LIPC: variants seen among roughly 807,000 people sequenced by gnomAD.
LIPC encodes the protein lipase C, hepatic type.
In LIPC, 44 loss-of-function variants were observed where a neutral mutation model predicts 50.7. That is an observed-to-expected ratio of 0.87 (90% CI 0.68 to 1.11). The LOEUF (loss-of-function observed/expected upper bound fraction) is 1.11. LIPC is among the 50% of genes most tolerant of loss of function. The pLI is 0.00. For synonymous variants in LIPC, 271 were observed against 256.4 expected (o/e 1.06, Z -0.54); for missense variants, 697 against 648.2 (o/e 1.08, Z -0.82).
chr15:58,507,344 G>C (rs1264325291), intron 1 of LIPC, among the ~76,000 whole-genome samples: 1 of 152,172 alleles, frequency 6.6e-6, no homozygotes, highest in Non-Finnish European at 1.5e-5. Flanking sequence ...AGGAGGGAAG[G>C]AAGGAAGGAA....
intron 6 of LIPC, among the ~76,000 whole-genome samples, chr15:58,557,914 C>A (rs1894014904): frequency 6.6e-6 from 1 of 152,086 alleles, no homozygotes; most frequent in Non-Finnish European, 1.5e-5. Flanking sequence ...GTTTGACTTA[C>A]AAGACTGTTC....
rs1460348858 is a variant in LIPC at position 58,542,603 on chromosome 15, T to C, written c.526T>C (p.Phe176Leu). 1 of 1,613,740 alleles carries C rather than the reference T, an allele frequency of 6.2e-7. No individual in the cohort carries two copies. The highest frequency in any genetic ancestry group is 1.3e-5 in the African/African-American group (1 of 74,886). Residue 176 changes from phenylalanine to leucine, a missense_variant, in exon 4 of 9, where the codon TTT (phenylalanine) becomes CTT (leucine). Transcript: ENST00000299022. ...GYSLGAHVSG[F>L]AGSSIGGTHK... is the part of the protein sequence containing the mutation. ...CAGCCTGGGTGCACACGTGTCAGGA[T>C]TTGCCGGCAGTTCCATCGGTGGAAC... is the stretch of plus-strand genomic sequence containing the variant.
chr15:58,538,628 C>A (rs1328780255), intron 2 of LIPC, 111 bp downstream of exon 2: 4 of 1,050,640 alleles, frequency 3.8e-6, no homozygotes, highest in Non-Finnish European at 5.9e-6. Flanking sequence ...CAACTCCATG[C>A]ATAATGTTTA....
chr15:58,511,229 T>C (rs1202759854), intron 1 of LIPC, among the ~76,000 whole-genome samples: 1 of 152,160 alleles, frequency 6.6e-6, no homozygotes, highest in Non-Finnish European at 1.5e-5. Flanking sequence ...AGCTAAGACT[T>C]CTCAGCTGTT....
intron 1 of LIPC, among the ~76,000 whole-genome samples, chr15:58,437,384 A>AG (rs1293866454): frequency 6.6e-6 from 1 of 152,146 alleles, no homozygotes; most frequent in African/African-American, 2.4e-5. Context: ...GCAATAATGT[A>AG]GGGAAAAAAA....
intron 1 of LIPC, among the ~76,000 whole-genome samples, chr15:58,493,070 T>A (rs567697231): frequency 6.6e-6 from 1 of 152,286 alleles, no homozygotes. Context: ...AAAACTGATT[T>A]AATAAGTAAA....
intron 1 of LIPC, among the ~76,000 whole-genome samples, chr15:58,475,109 T>A (rs528828113): frequency 3.9e-5 from 6 of 152,198 alleles, no homozygotes; most frequent in African/African-American, 1.4e-4. Flanking sequence ...TCTCTCTCCT[T>A]CCCCCACCTC....
intron 1 of LIPC, among the ~76,000 whole-genome samples, chr15:58,468,948 G>A (rs1014192607): frequency 4.6e-5 from 7 of 152,154 alleles, no homozygotes; most frequent in Non-Finnish European, 8.8e-5. Context: ...AGCTACTAAC[G>A]TTTATGAAGT....
intron 1 of LIPC, among the ~76,000 whole-genome samples, chr15:58,493,588 G>A (rs559217881): frequency 5.3e-5 from 7 of 132,414 alleles, no homozygotes; most frequent in African/African-American, 1.4e-4. Flanking sequence ...AATTTATTAC[G>A]TATAAATAAA....
At chr15:58,494,425 C>G (rs1443950185) in intron 1 of LIPC, among the ~76,000 whole-genome samples, 2 of 152,200 alleles carry the variant, frequency 1.3e-5, no homozygotes, top group Non-Finnish European at 2.9e-5. Flanking sequence ...AGCCATAGAT[C>G]CTTGGGCAGG....
intron 1 of LIPC, among the ~76,000 whole-genome samples, chr15:58,453,165 G>A (rs564436704): frequency 2.5e-4 from 38 of 152,128 alleles, no homozygotes; most frequent in Middle Eastern, 3.4e-3. Flanking sequence ...TCTTCTCCCC[G>A]CTTGGCTGAG....
At chr15:58,539,357 T>C (rs956329488) in intron 2 of LIPC, among the ~76,000 whole-genome samples, 3 of 152,146 alleles carry the variant, frequency 2.0e-5, no homozygotes, top group Non-Finnish European at 4.4e-5. Context: ...CATATCTAAG[T>C]GGAAAGGTGG....
At position 58,548,650 on chromosome 15, in the gene LIPC, T is replaced by C. The variant is rs371646314; in HGVS notation, c.1051+78T>C. 720 of 1,525,080 alleles carry C rather than the reference T, an allele frequency of 4.7e-4. 1 individual carries two copies. The highest frequency in any genetic ancestry group is 3.9e-3 in the Middle Eastern group (17 of 4,326). The allele number at this position is 1,525,080 out of a possible 1,614,324, so 94.5% of individuals were successfully genotyped here. A position where few individuals can be genotyped will look rare whatever the true frequency, so the allele number is the denominator to read the frequency against. On this transcript the variant is annotated intron_variant, in intron 6 of 8. Coordinates refer to ENST00000299022, the MANE Select transcript of LIPC (RefSeq NM_000236.3). Reference sequence around the variant, plus strand: ...AAAGGGCTCAGAAGTCCCCTTGGCTTCTTTCCTGGAGGTGCTTCAGCTCTG... The same window carrying C: ...AAAGGGCTCAGAAGTCCCCTTGGCTCCTTTCCTGGAGGTGCTTCAGCTCTG...
At chr15:58,552,657 G>A (rs1893807905) in intron 6 of LIPC, among the ~76,000 whole-genome samples, 1 of 152,192 alleles carries the variant, frequency 6.6e-6, no homozygotes, top group Non-Finnish European at 1.5e-5. Context: ...GCGAGATGAC[G>A]AGCCAAGCTG....
At chr15:58,565,156 C>T (rs1894318946) in intron 8 of LIPC, 2 of 1,523,666 alleles carry the variant, frequency 1.3e-6, no homozygotes, top group African/African-American at 1.4e-5. Flanking sequence ...TTACTGAGAG[C>T]ATACTCTGCC....
chr15:58,483,522 G>C (rs772912489), intron 1 of LIPC, among the ~76,000 whole-genome samples: 20 of 152,122 alleles, frequency 1.3e-4, no homozygotes, highest in Non-Finnish European at 2.5e-4. Flanking sequence ...CTGCTGTGAG[G>C]GTAGAAGGGG....
At chr15:58,463,235 T>C (rs554838168) in intron 1 of LIPC, among the ~76,000 whole-genome samples, 36 of 152,364 alleles carry the variant, frequency 2.4e-4, no homozygotes, top group East Asian at 1.2e-3. Context: ...GGGGAACTTA[T>C]GTGTCATTCA....
intron 1 of LIPC, among the ~76,000 whole-genome samples, chr15:58,489,712 A>T (rs1046982862): frequency 1.3e-5 from 2 of 152,130 alleles, no homozygotes; most frequent in African/African-American, 4.8e-5. Flanking sequence ...CTGAGCAGTA[A>T]GGGATGATAG....
At chr15:58,557,379 C>CTTTTTTTTTTTTTTTTTT (rs386383140) in intron 6 of LIPC, among the ~76,000 whole-genome samples, 2 of 75,692 alleles carry the variant, frequency 2.6e-5, no homozygotes, top group Non-Finnish European at 4.6e-5. Flanking sequence ...ATTATATGCT[C>CTTTTTTTTTTTTTTTTTT]TTTTTTTTTT....
Sources: allele counts gnomAD v4.1 joint callset (sites outside exome capture counted in the v4.1 genomes callset), GRCh38; gene constraint gnomAD v4.1.1; transcripts MANE v1.5; gene names NCBI Gene and HGNC (gene_info 2026-07-23, HGNC 2026-07-21).